MINDY4B: variants seen among roughly 807,000 people sequenced by gnomAD.
The protein encoded by MINDY4B is MINDY family member 4B.
MINDY4B carries 25 observed loss-of-function variants against 16.7 expected under a neutral mutation model. The observed-to-expected ratio is 1.49, with a 90% CI of 1.09 to 2.09. The LOEUF is 2.09. MINDY4B is among the 30% of genes most tolerant of loss of function. The pLI is 0.00. For missense variants in MINDY4B, 327 were observed against 168.4 expected (o/e 1.94, Z -5.21); for synonymous variants, 132 against 61.9 (o/e 2.13, Z -5.32).
chr3:150,888,325 G>C (rs780292879), intron 7 of MINDY4B, among the ~76,000 whole-genome samples: 2 of 152,108 alleles, frequency 1.3e-5, no homozygotes, highest in African/African-American at 4.8e-5. Flanking sequence ...ACCTAACTGA[G>C]TCTGGCCTCA....
rs140212262 is a variant in MINDY4B, at chr3:150,876,524, G to A, written c.1060-3157C>T. Among the ~76,000 whole-genome samples the A allele has an allele frequency of 1.8e-4, 28 of 152,270 alleles. 1 individual carries two copies. The East Asian group carries it at 3.9e-3, about 21-fold the overall frequency. On this transcript the variant is annotated intron_variant, in intron 10 of 11. Coordinates refer to ENST00000465419, the MANE Select transcript of MINDY4B (RefSeq NM_001351281.2). The stretch of plus-strand genomic sequence containing the variant: ...CTGCCATCTGGAATACATACTTGAT[G>A]TAACTTTTCTCACTGAGTTTGCAGG...
chr3:150,893,510 G>C, intron 4 of MINDY4B, 95 bp from the exon 5 acceptor site: 1 of 692,136 alleles, frequency 1.4e-6, no homozygotes, highest in Non-Finnish European at 2.6e-6. Flanking sequence ...GTATCCCCCA[G>C]AGCTTTGTGA....
At chr3:150,885,134 G>T (rs779089849) in intron 8 of MINDY4B, among the ~76,000 whole-genome samples, 25 of 152,186 alleles carry the variant, frequency 1.6e-4, no homozygotes, top group Non-Finnish European at 3.5e-4. Flanking sequence ...GCCACAAGAA[G>T]GAGGAACCTA....
At chr3:150,898,876 C>G (rs1445594404) in intron 3 of MINDY4B, among the ~76,000 whole-genome samples, 1 of 152,168 alleles carries the variant, frequency 6.6e-6, no homozygotes, top group Non-Finnish European at 1.5e-5. Flanking sequence ...CTGCCTTGTA[C>G]TTTGTCCCGG....
At position 150,891,582 on chromosome 3, in the gene MINDY4B, C is replaced by T. The variant is rs544140148; in HGVS notation, c.522-479G>A. On this transcript the variant is annotated intron_variant, in intron 5 of 11. Coordinates refer to ENST00000465419, the MANE Select transcript of MINDY4B (RefSeq NM_001351281.2). ...TTCAAGACCAGCTTGGCCAACATGGCGAAACCCCTTCTATACTTAAAATAT... is the reference window on the plus strand; with the variant it reads ...TTCAAGACCAGCTTGGCCAACATGGTGAAACCCCTTCTATACTTAAAATAT... Among the ~76,000 whole-genome samples, 17 of 151,726 alleles carry T rather than the reference C, an allele frequency of 1.1e-4. No individual in the cohort carries two copies. In the East Asian group the frequency reaches 2.5e-3, roughly 23 times the overall value.
At chr3:150,894,368 G>C in intron 3 of MINDY4B, 63 bp from the exon 4 acceptor site, 1 of 628,114 alleles carries the variant, frequency 1.6e-6, no homozygotes. Context: ...ATTCCTCATG[G>C]TGGCCTCATG....
intron 7 of MINDY4B, among the ~76,000 whole-genome samples, chr3:150,888,607 G>T (rs114740815): frequency 6.6e-6 from 1 of 152,188 alleles, no homozygotes; most frequent in Non-Finnish European, 1.5e-5. Flanking sequence ...CCCCGTCTCA[G>T]TGAGGTCCTT....
intron 7 of MINDY4B, among the ~76,000 whole-genome samples, chr3:150,887,518 C>T (rs1055727020): frequency 6.6e-6 from 1 of 152,190 alleles, no homozygotes; most frequent in Non-Finnish European, 1.5e-5. Context: ...GTAGCTGCCT[C>T]TTATGTCAGC....
intron 10 of MINDY4B, among the ~76,000 whole-genome samples, chr3:150,877,790 C>A (rs1711498985): frequency 1.3e-5 from 2 of 151,958 alleles, no homozygotes; most frequent in African/African-American, 2.4e-5. Context: ...CACGAGTATA[C>A]CTATAACAGA....
chr3:150,873,184 C>T lies in MINDY4B; in HGVS notation c.1240+3G>A, dbSNP rs2107893420. The T allele has an allele frequency of 1.4e-6, 1 of 701,318 alleles. No individual in the cohort carries two copies. Among genetic ancestry groups the T allele is most frequent in the Non-Finnish European group, 2.6e-6 (1 of 383,998 alleles). The allele number at this position is 701,318 out of a possible 1,614,324, so 43.4% of individuals were successfully genotyped here. On this transcript the variant is annotated splice_donor_region_variant and intron_variant, in intron 11 of 11. Transcript: ENST00000465419. ...CACAACACCTGGAGTCTGAAATGCT[C>T]ACCTATTGTAAGACGCACAAGCTTT...
chr3:150,898,868 G>T (rs1389818031), intron 3 of MINDY4B, among the ~76,000 whole-genome samples: 1 of 152,158 alleles, frequency 6.6e-6, no homozygotes, highest in Admixed American at 6.5e-5. Context: ...TACCCTGACT[G>T]CCTTGTACTT....
intron 3 of MINDY4B, 29 bp from the exon 4 acceptor site, chr3:150,894,334 C>A: frequency 1.5e-6 from 1 of 676,812 alleles, no homozygotes; most frequent in South Asian, 1.6e-5. Context: ...AATGATTCAA[C>A]AAAAGAGAAT....
intron 7 of MINDY4B, among the ~76,000 whole-genome samples, chr3:150,889,664 C>G (rs1469329229): frequency 6.6e-6 from 1 of 152,232 alleles, no homozygotes; most frequent in Non-Finnish European, 1.5e-5. Flanking sequence ...CTGCTCCATG[C>G]AATGAACAGT....
rs549430485 is a variant in MINDY4B, at chr3:150,870,750, T to C, written c.*295A>G. On this transcript the variant is annotated 3_prime_UTR_variant, in exon 12 of 12. Coordinates refer to ENST00000465419, the MANE Select transcript of MINDY4B (RefSeq NM_001351281.2). ...AAGAAAAGACAACTTTGGAAAAACA[T>C]GCAAGAGAGAGGCTTCATTTTCTCT... 6.8e-4 allele frequency among the ~76,000 whole-genome samples: 103 copies of C among 152,282 alleles called. No individual in the cohort carries two copies. Among genetic ancestry groups the C allele is most frequent in the African/African-American group, 2.3e-3 (97 of 41,564 alleles).
At position 150,873,485 on chromosome 3, in the gene MINDY4B, G is replaced by T. The variant is rs1717016948; in HGVS notation, c.1060-118C>A. 7 of 618,368 alleles carry T rather than the reference G, an allele frequency of 1.1e-5. No homozygotes were observed. In the South Asian group the frequency reaches 1.3e-4, roughly 12 times the overall value. 38.3% of individuals were successfully genotyped at this position (618,368 alleles called of 1,614,324 possible). ...AGGTTTCTTGTTGCACTTGTCGCGT[G>T]CAGGGCACTGTACATAGAGCAAGAT... On this transcript the variant is annotated intron_variant, in intron 10 of 11. Coordinates refer to ENST00000465419, the MANE Select transcript of MINDY4B (RefSeq NM_001351281.2).
At chr3:150,871,721 G>A (rs375450985) in intron 11 of MINDY4B, among the ~76,000 whole-genome samples, 7 of 152,196 alleles carry the variant, frequency 4.6e-5, no homozygotes, top group South Asian at 2.1e-4. Context: ...GTGGTGGCGC[G>A]CGCCTGTAAT....
chr3:150,886,629 T>C (rs1439263207), intron 7 of MINDY4B, among the ~76,000 whole-genome samples: 2 of 152,214 alleles, frequency 1.3e-5, no homozygotes, highest in Non-Finnish European at 2.9e-5. Context: ...CAAACCAGTA[T>C]TCCTTCTGGA....
At chr3:150,880,945 C>T (rs1364019702) in intron 10 of MINDY4B, among the ~76,000 whole-genome samples, 2 of 152,200 alleles carry the variant, frequency 1.3e-5, no homozygotes, top group Admixed American at 6.5e-5. Flanking sequence ...TTTTACTCTT[C>T]ATTATATGAG....
rs1576616778 is a variant in MINDY4B at position 150,903,432 on chromosome 3, C to T, written c.142-16G>A. 1.5e-5 allele frequency: 6 copies of T among 398,418 alleles called. No homozygotes were observed. Among genetic ancestry groups the T allele is most frequent in the Non-Finnish European group, 2.2e-5 (5 of 225,952 alleles). The allele number at this position is 398,418 out of a possible 1,614,324, so 24.7% of individuals were successfully genotyped here. A position where few individuals can be genotyped will look rare whatever the true frequency, so the allele number is the denominator to read the frequency against. ...CTTCATGATTCTGTGCAAATATCAC[C>T]CCCACAAAAGACAAAGCAAACAGAG... On this transcript the variant is annotated splice_polypyrimidine_tract_variant and intron_variant, in intron 2 of 11. Coordinates refer to ENST00000465419, the MANE Select transcript of MINDY4B (RefSeq NM_001351281.2).
Sources: gnomAD v4.1 joint callset for allele counts (sites outside exome capture counted in the v4.1 genomes callset) on GRCh38, gnomAD v4.1.1 for gene constraint, MANE v1.5 for transcripts, NCBI Gene and HGNC (gene_info 2026-07-23, HGNC 2026-07-21) for gene names.